ZC2HC1B: variants seen among roughly 807,000 people sequenced by gnomAD.
ZC2HC1B encodes the protein zinc finger C2HC-type containing 1B.
A neutral mutation model predicts 31.0 loss-of-function variants in ZC2HC1B; 36 were observed. That is an observed-to-expected ratio of 1.16 (90% CI 0.89 to 1.54). The LOEUF (loss-of-function observed/expected upper bound fraction) is 1.54, where lower values mean the gene tolerates loss of function less well. Ranked by LOEUF, ZC2HC1B falls within the 40% of genes most tolerant of loss-of-function variation. The pLI, the probability that ZC2HC1B is intolerant of heterozygous loss-of-function variation, is 0.00. For missense variants in ZC2HC1B, 260 were observed against 268.6 expected (o/e 0.97, Z 0.22); for synonymous variants, 73 against 88.0 (o/e 0.83, Z 0.95).
rs374278907 is a variant in ZC2HC1B, at chr6:143,924,349, T to TTA, written c.599-13286_599-13285dup. Among the ~76,000 whole-genome samples the TTA allele has an allele frequency of 5.9e-3, 888 of 149,662 alleles. 6 individuals are homozygous for TTA. The highest frequency in any genetic ancestry group is 0.018 in the African/African-American group (744 of 40,946). ...GTGTTTTTGGTGGAGTCTTTAGGTTTTATATATATATATATGTATTACATA... is the reference window on the plus strand; with the variant it reads ...GTGTTTTTGGTGGAGTCTTTAGGTTTTATATATATATATATATGTATTACATA... On this transcript the variant is annotated intron_variant, in intron 6 of 7. Coordinates refer to ENST00000237275, the MANE Select transcript of ZC2HC1B (RefSeq NM_001013623.3). This position sits in a 1 kb window ranked among gnomAD's most constrained non-coding sequence, Gnocchi z 5.2.
At chr6:143,932,498 C>T (rs1471177310) in intron 6 of ZC2HC1B, among the ~76,000 whole-genome samples, 1 of 152,072 alleles carries the variant, frequency 6.6e-6, no homozygotes, top group African/African-American at 2.4e-5. Flanking sequence ...CTTTCATTTC[C>T]AGAAGTTGTG....
At chr6:143,937,863 C>A in intron 7 of ZC2HC1B, 130 bp downstream of exon 7, 1 of 605,626 alleles carries the variant, frequency 1.7e-6, no homozygotes, top group Non-Finnish European at 2.9e-6. Context: ...AAAATGTATG[C>A]TCTTGAAACT....
In ZC2HC1B at chr6:143,883,483, G is replaced by C. The variant is rs1180251912; in HGVS notation, c.29-821G>C. On this transcript the variant is annotated intron_variant, in intron 1 of 7. Coordinates refer to ENST00000237275, the MANE Select transcript of ZC2HC1B (RefSeq NM_001013623.3). The surrounding 1 kb of genome is among the most constrained non-coding windows in gnomAD (Gnocchi z 4.1). ...TCCCTTGTTGCTTTCTTTGCATGTA[G>C]AGTAAAGCCCAGATGACTGGTCTAA... Among the ~76,000 whole-genome samples, 3 of 152,164 alleles carry C rather than the reference G, an allele frequency of 2.0e-5. No homozygotes were observed. The highest frequency in any genetic ancestry group is 7.2e-5 in the African/African-American group (3 of 41,430).
intron 1 of ZC2HC1B, among the ~76,000 whole-genome samples, chr6:143,877,693 G>A (rs935905394): frequency 2.0e-5 from 3 of 149,998 alleles, no homozygotes; most frequent in African/African-American, 4.9e-5. Flanking sequence ...CTGTCTGTTT[G>A]CTCATCATTA....
intron 6 of ZC2HC1B, among the ~76,000 whole-genome samples, chr6:143,937,086 G>C (rs1481700032): frequency 6.6e-6 from 1 of 152,062 alleles, no homozygotes; most frequent in African/African-American, 2.4e-5. Flanking sequence ...TGTCCCCTAC[G>C]ATGTGGTCAA....
At chr6:143,907,095 T>G (rs750853895) in intron 6 of ZC2HC1B, among the ~76,000 whole-genome samples, 1 of 152,248 alleles carries the variant, frequency 6.6e-6, no homozygotes, top group Non-Finnish European at 1.5e-5. Flanking sequence ...TCCACGTCCC[T>G]GCAAAGGACA....
intron 5 of ZC2HC1B, among the ~76,000 whole-genome samples, chr6:143,900,007 T>G (rs1162295929): frequency 2.0e-5 from 3 of 151,604 alleles, no homozygotes; most frequent in African/African-American, 7.3e-5. Flanking sequence ...CAGCCTAGAG[T>G]TGGGGTTGGG....
chr6:143,906,131 G>T (rs991598458), intron 6 of ZC2HC1B, among the ~76,000 whole-genome samples: 2 of 152,148 alleles, frequency 1.3e-5, no homozygotes, highest in African/African-American at 4.8e-5. Flanking sequence ...TAAATGTTTG[G>T]TGGAATTCGC....
At chr6:143,929,571 T>C (rs143363710) in intron 6 of ZC2HC1B, among the ~76,000 whole-genome samples, 1 of 152,334 alleles carries the variant, frequency 6.6e-6, no homozygotes, top group East Asian at 1.9e-4. Flanking sequence ...CTGATGTTGG[T>C]AGCAAAGTGA....
rs888402921 is a variant in ZC2HC1B at position 143,895,835 on chromosome 6, C to T, written c.350-2717C>T. ...TCTGAGATCTGGCCACCATATTCCT[C>T]GAAAGAATTCATTTGGACTCTGACT... is the stretch of plus-strand genomic sequence containing the variant. On this transcript the variant is annotated intron_variant, in intron 4 of 7. Coordinates refer to ENST00000237275, the MANE Select transcript of ZC2HC1B (RefSeq NM_001013623.3). The surrounding 1 kb of genome is among the most constrained non-coding windows in gnomAD (Gnocchi z 4.8). 3.3e-5 allele frequency among the ~76,000 whole-genome samples: 5 copies of T among 152,094 alleles called. No individual in the cohort carries two copies. Among genetic ancestry groups the T allele is most frequent in the East Asian group, 1.9e-4 (1 of 5,202 alleles).
At chr6:143,882,329 A>ATAT (rs1300881090) in intron 1 of ZC2HC1B, among the ~76,000 whole-genome samples, 1 of 98,336 alleles carries the variant, frequency 1.0e-5, no homozygotes, top group East Asian at 2.9e-4. Flanking sequence ...CATATTTTAT[A>ATAT]TTTTTTATAT....
intron 1 of ZC2HC1B, among the ~76,000 whole-genome samples, chr6:143,867,972 G>A (rs1039624338): frequency 1.1e-4 from 17 of 152,274 alleles, no homozygotes; most frequent in Non-Finnish European, 2.4e-4. Context: ...TGGGAACTTG[G>A]ATGTCTGGAA....
rs1777825381 is a variant in ZC2HC1B, at chr6:143,908,789, C to T, written c.598+5637C>T. Among the ~76,000 whole-genome samples the T allele has an allele frequency of 6.6e-6, 1 of 152,074 alleles. No homozygotes were observed. The highest frequency in any genetic ancestry group is 1.5e-5 in the Non-Finnish European group (1 of 68,020). On this transcript the variant is annotated intron_variant, in intron 6 of 7. Coordinates refer to ENST00000237275, the MANE Select transcript of ZC2HC1B (RefSeq NM_001013623.3). This position sits in a 1 kb window ranked among gnomAD's most constrained non-coding sequence, Gnocchi z 4.4. ...TTCTTTCTTTGTTTTGCCTGATTGC[C>T]CTGGACAGAACTTCCAGTACTATGT...
intron 6 of ZC2HC1B, among the ~76,000 whole-genome samples, chr6:143,919,634 T>G (rs750731327): frequency 2.0e-5 from 3 of 152,160 alleles, no homozygotes; most frequent in Non-Finnish European, 4.4e-5. Context: ...GATTCTTATT[T>G]GGGTTCTTAT....
intron 4 of ZC2HC1B, among the ~76,000 whole-genome samples, chr6:143,892,037 A>G (rs540340948): frequency 1.2e-4 from 19 of 152,304 alleles, no homozygotes; most frequent in African/African-American, 3.6e-4. Context: ...GGAAAAATGA[A>G]CCTTGATTCT....
At chr6:143,925,165 C>CTTTTTTTTTTT (rs71024879) in intron 6 of ZC2HC1B, among the ~76,000 whole-genome samples, 1 of 104,190 alleles carries the variant, frequency 9.6e-6, no homozygotes, top group Non-Finnish European at 1.9e-5. Flanking sequence ...AATCTCATTC[C>CTTTTTTTTTTT]TTTTTTTTTT....
At position 143,908,292 on chromosome 6, in the gene ZC2HC1B, G is replaced by GT. The variant is rs139709855; in HGVS notation, c.598+5146dup. Among the ~76,000 whole-genome samples the GT allele has an allele frequency of 0.54, 82,567 of 151,948 alleles. 22,898 individuals are homozygous for GT. The highest frequency in any genetic ancestry group is 0.76 in the East Asian group (3,920 of 5,168). On this transcript the variant is annotated intron_variant, in intron 6 of 7. Transcript: ENST00000237275. The surrounding 1 kb of genome is among the most constrained non-coding windows in gnomAD (Gnocchi z 4.4). ...TTGATTTCATATGAATTTTAAAATA[G>GT]TTTTTTCTAATTCTGTGAAGAATGT...
rs1777887539 is a variant in ZC2HC1B at position 143,913,735 on chromosome 6, A to G, written c.598+10583A>G. On this transcript the variant is annotated intron_variant, in intron 6 of 7. Transcript: ENST00000237275. This position sits in a 1 kb window ranked among gnomAD's most constrained non-coding sequence, Gnocchi z 5.7. ...ACAGGTTGCAAAGATTCATGGGAGA[A>G]GCATGGTTTCCTGGGTCACATAGTC... Among the ~76,000 whole-genome samples the G allele has an allele frequency of 1.3e-5, 2 of 152,190 alleles. No homozygotes were observed. Among genetic ancestry groups the G allele is most frequent in the South Asian group, 4.1e-4 (2 of 4,836 alleles).
Position 143,903,167 on chromosome 6 carries a change from G to C in ZC2HC1B, c.598+15G>C, listed in dbSNP as rs965236031. 1.9e-6 allele frequency: 3 copies of C among 1,548,584 alleles called. No individual in the cohort carries two copies. Among genetic ancestry groups the C allele is most frequent in the Non-Finnish European group, 2.6e-6 (3 of 1,143,826 alleles). ...AACCAAGTCAGGTGAGTCAAAGCAC[G>C]CATTTCATCTCTCAAATGATGGGGG... On this transcript the variant is annotated intron_variant, in intron 6 of 7. Transcript: ENST00000237275. The surrounding 1 kb of genome is among the most constrained non-coding windows in gnomAD (Gnocchi z 4.3).
Sources: gnomAD v4.1 joint callset for allele counts (sites outside exome capture counted in the v4.1 genomes callset) on GRCh38, gnomAD v4.1.1 for gene constraint, Gnocchi (gnomAD v3.1) non-coding constraint, MANE v1.5 for transcripts, NCBI Gene and HGNC (gene_info 2026-07-23, HGNC 2026-07-21) for gene names.